The following STS variants were observed in gnomAD, a reference collection of about 807,000 sequenced individuals.
STS encodes the protein steroid sulfatase.
A neutral mutation model predicts 26.8 loss-of-function variants in STS; 7 were observed. That is an observed-to-expected ratio of 0.26 (90% CI 0.15 to 0.49). The LOEUF (loss-of-function observed/expected upper bound fraction) is 0.49. Ranked by LOEUF, STS falls within the 20% of genes least tolerant of loss-of-function variation. STS has a pLI of 0.98. For missense variants in STS, 434 were observed against 465.6 expected (o/e 0.93, Z 0.63); for synonymous variants, 199 against 189.4 (o/e 1.05, Z -0.42).
intron 2 of STS, among the ~76,000 whole-genome samples, chrX:7,205,482 T>C (rs1198280877): frequency 1.8e-5 from 2 of 111,328 alleles, no homozygotes; most frequent in Non-Finnish European, 3.8e-5. Flanking sequence ...GAGGAGCAAA[T>C]AGTGGGCACT....
intron 1 of STS, among the ~76,000 whole-genome samples, chrX:7,162,907 AT>A (rs1933275623): frequency 9.6e-6 from 1 of 103,809 alleles, no homozygotes; most frequent in African/African-American, 3.5e-5. Flanking sequence ...AAAAAAAAAA[AT>A]TAGCTGGGCC....
chrX:7,323,958 C>G (rs747325337), intron 8 of STS, among the ~76,000 whole-genome samples: 1 of 111,393 alleles, frequency 9.0e-6, no homozygotes, highest in Non-Finnish European at 1.9e-5. Context: ...TTGAAAGAAC[C>G]CTGTCTACAA....
At chrX:7,158,000 G>A (rs1933169334) in intron 1 of STS, among the ~76,000 whole-genome samples, 1 of 112,141 alleles carries the variant, frequency 8.9e-6, no homozygotes, top group African/African-American at 3.2e-5. Flanking sequence ...GGAGAGAAGT[G>A]GGGGCTTATG....
intron 6 of STS, among the ~76,000 whole-genome samples, chrX:7,269,834 AG>A (rs1226870637): frequency 1.8e-5 from 2 of 111,860 alleles, no homozygotes; most frequent in Non-Finnish European, 3.8e-5. Context: ...GGTAGCCAGA[AG>A]GAATTCACAG....
intron 7 of STS, among the ~76,000 whole-genome samples, chrX:7,289,160 A>T (rs1371250752): frequency 1.8e-5 from 2 of 111,178 alleles, no homozygotes; most frequent in African/African-American, 6.5e-5. Context: ...GGAGCTGCTG[A>T]TGGCTTCTAA....
intron 9 of STS, among the ~76,000 whole-genome samples, chrX:7,326,215 T>C (rs1238943321): frequency 1.8e-5 from 2 of 111,071 alleles, no homozygotes; most frequent in South Asian, 7.7e-4. Flanking sequence ...CTGTACTTGT[T>C]ATCTCTGTCC....
Position 7,259,507 on chromosome X carries a change from G to A in STS, c.541G>A (p.Val181Ile), listed in dbSNP as rs61733086. The A allele has an allele frequency of 4.1e-6, 5 of 1,209,968 alleles. No homozygotes were observed. The African/African-American group carries it at 8.7e-5, about 21-fold the overall frequency. The change falls in exon 6 of 11, where the codon GTC (valine) becomes ATC (isoleucine). Residue 181 changes from valine to isoleucine, a missense_variant. Val to Ile is a conservative substitution (Grantham distance 29). Around this residue, in one of 2 missense-constraint regions of STS, gnomAD observed 229 missense variants for 288.3 expected, o/e 0.79. Coordinates refer to ENST00000674429, the MANE Select transcript of STS (RefSeq NM_001320752.2). ...SVFTTGFKRL[V>I]FLPLQIVGVT... ...CTTCACCACGGGCTTCAAGAGGCTG[G>A]TCTTCCTCCCCCTGCAGATCGTCGG...
intron 7 of STS, among the ~76,000 whole-genome samples, chrX:7,298,034 T>A (rs1280039857): frequency 9.0e-6 from 1 of 111,011 alleles, no homozygotes; most frequent in African/African-American, 3.3e-5. Context: ...TTGCATTAGA[T>A]CCATGTTGAG....
At chrX:7,317,186 C>T (rs1235650054) in intron 8 of STS, among the ~76,000 whole-genome samples, 5 of 111,837 alleles carry the variant, frequency 4.5e-5, no homozygotes, top group African/African-American at 1.3e-4. Context: ...GATGTTAAAA[C>T]TGTGAATTGG....
chrX:7,162,006 C>T (rs1320923052), intron 1 of STS, among the ~76,000 whole-genome samples: 1 of 111,868 alleles, frequency 8.9e-6, no homozygotes, highest in African/African-American at 3.3e-5. Context: ...ATAATAATGA[C>T]TCCTCTTTGC....
At position 7,199,224 on chromosome X, in the gene STS, A is replaced by G. The variant is rs994189211; in HGVS notation, c.-5+8216A>G. Among the ~76,000 whole-genome samples the G allele has an allele frequency of 5.4e-5, 6 of 111,733 alleles. 1 individual carries two copies. The East Asian group carries it at 8.4e-4, about 16-fold the overall frequency. Reference sequence around the variant, plus strand: ...TTTGAAGTCAATCAGGAAGTGATCCATCTATACTACAACTTCTCATCATGT... The same window carrying G: ...TTTGAAGTCAATCAGGAAGTGATCCGTCTATACTACAACTTCTCATCATGT... On this transcript the variant is annotated intron_variant, in intron 2 of 10. Coordinates refer to ENST00000674429, the MANE Select transcript of STS (RefSeq NM_001320752.2).
intron 7 of STS, among the ~76,000 whole-genome samples, chrX:7,281,190 G>GAA (rs76185203): frequency 3.0e-5 from 3 of 100,463 alleles, no homozygotes; most frequent in African/African-American, 1.1e-4. Context: ...CCTTGCTATG[G>GAA]AAAAAAAAAA....
intron 7 of STS, among the ~76,000 whole-genome samples, chrX:7,299,095 TTA>T (rs1925823858): frequency 1.1e-5 from 1 of 94,515 alleles, no homozygotes; most frequent in Non-Finnish European, 2.0e-5. Context: ...AATAATTATG[TTA>T]TATGTATATA....
intron 2 of STS, among the ~76,000 whole-genome samples, chrX:7,203,846 A>C (rs1358501232): frequency 1.8e-5 from 2 of 111,524 alleles, no homozygotes; most frequent in Non-Finnish European, 1.9e-5. Flanking sequence ...ATACGATGGC[A>C]CAGTCATAGC....
At chrX:7,307,380 C>T (rs1311391074) in intron 8 of STS, among the ~76,000 whole-genome samples, 3 of 110,965 alleles carry the variant, frequency 2.7e-5, no homozygotes, top group South Asian at 3.9e-4. Context: ...ACTCACCCAG[C>T]GCAGTAAGGC....
At chrX:7,279,403 G>A (rs904475637) in intron 7 of STS, among the ~76,000 whole-genome samples, 1 of 48,724 alleles carries the variant, frequency 2.1e-5, no homozygotes, top group Non-Finnish European at 3.6e-5. Context: ...GTATATATAT[G>A]TGTGTGTGTC....
At chrX:7,276,727 C>A (rs1157101803) in intron 7 of STS, among the ~76,000 whole-genome samples, 1 of 112,139 alleles carries the variant, frequency 8.9e-6, no homozygotes, top group African/African-American at 3.2e-5. Context: ...GCTCTCAGGG[C>A]AACAGTGACG....
chrX:7,322,348 C>G (rs1334578724), intron 8 of STS, among the ~76,000 whole-genome samples: 2 of 111,720 alleles, frequency 1.8e-5, no homozygotes, highest in African/African-American at 6.5e-5. Flanking sequence ...CTGGATCGGA[C>G]AACGGAGGCC....
chrX:7,291,245 C>T (rs1167258037), intron 7 of STS, among the ~76,000 whole-genome samples: 12 of 111,432 alleles, frequency 1.1e-4, no homozygotes, highest in Non-Finnish European at 2.1e-4. Flanking sequence ...AACTGTCTGT[C>T]TTAGGGTGAT....
Sources: gnomAD v4.1 joint callset for allele counts (sites outside exome capture counted in the v4.1 genomes callset) on GRCh38, gnomAD v4.1.1 for gene constraint, gnomAD v4.1.1 regional missense constraint, MANE v1.5 for transcripts, NCBI Gene and HGNC (gene_info 2026-07-23, HGNC 2026-07-21) for gene names.